Variants in ZNF385D observed in about 807,000 individuals in gnomAD.
ZNF385D encodes zinc finger protein 659.
Under a neutral mutation model 35.8 loss-of-function variants are expected in ZNF385D, and 15 were observed. The ratio of observed to expected loss-of-function variants is 0.42; its 90% CI spans 0.28 to 0.64. The LOEUF (loss-of-function observed/expected upper bound fraction) is 0.64, where lower values mean the gene tolerates loss of function less well. ZNF385D is among the 30% of genes least tolerant of loss of function. ZNF385D has a pLI of 0.23. For synonymous variants in ZNF385D, 212 were observed against 186.8 expected (o/e 1.13, Z -1.10); for missense variants, 474 against 494.6 (o/e 0.96, Z 0.39).
intron 3 of ZNF385D, among the ~76,000 whole-genome samples, chr3:21,939,993 G>C (rs1701437943): frequency 6.6e-6 from 1 of 152,172 alleles, no homozygotes; most frequent in Non-Finnish European, 1.5e-5. Flanking sequence ...AGACTAACCA[G>C]TGAGGAAGGA....
intron 3 of ZNF385D, chr3:22,133,870 C>T (rs967090777): frequency 6.6e-6 from 1 of 151,818 alleles, no homozygotes; most frequent in Admixed American, 6.6e-5. Context: ...CTTCTAACTA[C>T]TAAGTGAAGG....
chr3:21,824,945 C>T (rs1054899504), intron 3 of ZNF385D, among the ~76,000 whole-genome samples: 1 of 152,134 alleles, frequency 6.6e-6, no homozygotes, highest in African/African-American at 2.4e-5. Context: ...AACAAAATTA[C>T]TTTTGTTAAA....
intron 3 of ZNF385D, among the ~76,000 whole-genome samples, chr3:21,864,389 T>C (rs1575800139): frequency 6.6e-6 from 1 of 152,120 alleles, no homozygotes. Context: ...ACATACTCTA[T>C]GAATTGTGAC....
chr3:22,243,324 A>G (rs910044301), intron 2 of ZNF385D, among the ~76,000 whole-genome samples: 4 of 151,166 alleles, frequency 2.6e-5, no homozygotes, highest in Admixed American at 2.6e-4. Flanking sequence ...ATATCAAAAT[A>G]TTACTTTATA....
chr3:22,249,194 T>G (rs1372637601), intron 2 of ZNF385D, among the ~76,000 whole-genome samples: 2 of 152,138 alleles, frequency 1.3e-5, no homozygotes, highest in Admixed American at 6.6e-5. Flanking sequence ...TTAGCATCCA[T>G]GAGCATAATG....
chr3:22,264,110 G>C (rs551264021), intron 2 of ZNF385D, among the ~76,000 whole-genome samples: 14 of 151,948 alleles, frequency 9.2e-5, no homozygotes, highest in South Asian at 8.3e-4. Context: ...AGACTCCAAG[G>C]GGCATAAGGC....
chr3:22,152,211 T>C (rs969914109), intron 3 of ZNF385D, among the ~76,000 whole-genome samples: 2 of 152,176 alleles, frequency 1.3e-5, no homozygotes, highest in Non-Finnish European at 2.9e-5. Flanking sequence ...TGCATAGTAA[T>C]TTAAACAATT....
rs557574803 is a variant in ZNF385D at position 21,676,742 on chromosome 3, G to C, written c.23-11714C>G. Among the ~76,000 whole-genome samples the C allele has an allele frequency of 9.9e-5, 15 of 152,070 alleles. No individual in the cohort carries two copies. In the South Asian group the frequency reaches 2.9e-3, roughly 29 times the overall value. ...AAGATAAACCACTCGCTAAATGGTAGAGCTAGGTAGAATTAGAAACCAGAT... is the reference window on the plus strand; with the variant it reads ...AAGATAAACCACTCGCTAAATGGTACAGCTAGGTAGAATTAGAAACCAGAT... On this transcript the variant is annotated intron_variant, in intron 1 of 7. Coordinates refer to ENST00000281523, the MANE Select transcript of ZNF385D (RefSeq NM_024697.3).
chr3:22,115,765 T>A (rs1702778032), intron 3 of ZNF385D, among the ~76,000 whole-genome samples: 1 of 152,130 alleles, frequency 6.6e-6, no homozygotes, highest in Non-Finnish European at 1.5e-5. Context: ...GCTTTAGTCA[T>A]ATGACCTCTG....
At chr3:22,370,945 C>T (rs1168178029) in intron 2 of ZNF385D, among the ~76,000 whole-genome samples, 1 of 152,196 alleles carries the variant, frequency 6.6e-6, no homozygotes, top group Non-Finnish European at 1.5e-5. Flanking sequence ...TCCAGCACTT[C>T]ATTTCCTTAA....
At chr3:22,354,198 C>A (rs1011560793) in intron 2 of ZNF385D, among the ~76,000 whole-genome samples, 3 of 152,082 alleles carry the variant, frequency 2.0e-5, no homozygotes, top group Admixed American at 1.3e-4. Context: ...CTCCCCATCC[C>A]CATTTTCCAA....
At chr3:22,037,609 C>T (rs983864373) in intron 3 of ZNF385D, among the ~76,000 whole-genome samples, 1 of 152,096 alleles carries the variant, frequency 6.6e-6, no homozygotes, top group Admixed American at 6.5e-5. Flanking sequence ...TGGATATTAG[C>T]CCTTTGTCAG....
intron 2 of ZNF385D, among the ~76,000 whole-genome samples, chr3:22,223,684 G>C (rs540430669): frequency 7.1e-4 from 108 of 152,206 alleles, no homozygotes; most frequent in African/African-American, 2.4e-3. Context: ...TTTTGAACGA[G>C]ACAGATGCAC....
In ZNF385D at chr3:21,683,566, G is replaced by A. The variant is rs1171108425; in HGVS notation, c.23-18538C>T. Among the ~76,000 whole-genome samples, 2 of 149,396 alleles carry A rather than the reference G, an allele frequency of 1.3e-5. 1 individual carries two copies. The highest frequency in any genetic ancestry group is 4.9e-5 in the African/African-American group (2 of 40,542). Reference sequence around the variant, plus strand: ...TGGGAGGCGAAGGTTGCAGTGAGCCGAGATCGCACCACTGCACTCCAGCCT... The same window carrying A: ...TGGGAGGCGAAGGTTGCAGTGAGCCAAGATCGCACCACTGCACTCCAGCCT... On this transcript the variant is annotated intron_variant, in intron 1 of 7. Coordinates refer to ENST00000281523, the MANE Select transcript of ZNF385D (RefSeq NM_024697.3).
chr3:21,839,696 T>C (rs1042583038), intron 3 of ZNF385D, among the ~76,000 whole-genome samples: 2 of 152,032 alleles, frequency 1.3e-5, no homozygotes, highest in African/African-American at 4.8e-5. Flanking sequence ...ACTTTAAGAC[T>C]CAGCTGACAG....
intron 4 of ZNF385D, among the ~76,000 whole-genome samples, chr3:21,449,433 T>C (rs146805491): frequency 4.3e-4 from 66 of 152,334 alleles, no homozygotes; most frequent in African/African-American, 1.5e-3. Context: ...GTTCTAATAT[T>C]TCACCATTAA....
In ZNF385D at chr3:21,751,105, C is replaced by T. The variant is rs1216520736; in HGVS notation, c.-189G>A. 3 of 1,480,400 alleles carry T rather than the reference C, an allele frequency of 2.0e-6. No individual in the cohort carries two copies. Among genetic ancestry groups the T allele is most frequent in the Non-Finnish European group, 2.7e-6 (3 of 1,114,636 alleles). 91.7% of individuals were successfully genotyped at this position (1,480,400 alleles called of 1,614,324 possible). On this transcript the variant is annotated 5_prime_UTR_variant, in exon 1 of 8. Transcript: ENST00000281523. ...CAGGCTGCCTTTCCAGGGCTAAGATCCCCGGCGGCTGGAGAGTGCGCTCGG... is the reference window on the plus strand; with the variant it reads ...CAGGCTGCCTTTCCAGGGCTAAGATTCCCGGCGGCTGGAGAGTGCGCTCGG...
intron 5 of ZNF385D, among the ~76,000 whole-genome samples, chr3:21,434,144 G>GT (rs1701436381): frequency 6.6e-5 from 10 of 152,262 alleles, no homozygotes; most frequent in South Asian, 4.1e-4. Context: ...TTAACACAGT[G>GT]AAACGGAGTG....
At chr3:21,504,981 T>C (rs535503719) in intron 4 of ZNF385D, among the ~76,000 whole-genome samples, 6 of 152,158 alleles carry the variant, frequency 3.9e-5, no homozygotes, top group African/African-American at 1.4e-4. Context: ...GTGAAAAACA[T>C]AGATCTACAA....
Sources: allele counts gnomAD v4.1 joint callset (sites outside exome capture counted in the v4.1 genomes callset), GRCh38; gene constraint gnomAD v4.1.1; transcripts MANE v1.5; gene names NCBI Gene and HGNC (gene_info 2026-07-23, HGNC 2026-07-21).